ASTN2: variants seen among roughly 807,000 people sequenced by gnomAD.
The protein encoded by ASTN2 is astrotactin 2.
Under a neutral mutation model 139.8 loss-of-function variants are expected in ASTN2, and 54 were observed. That is an observed-to-expected ratio of 0.39 (90% confidence interval 0.31 to 0.48). The LOEUF (loss-of-function observed/expected upper bound fraction) is 0.48, where lower values mean the gene tolerates loss of function less well. Ranked by LOEUF, ASTN2 falls within the 20% of genes least tolerant of loss-of-function variation. The probability of loss-of-function intolerance (pLI) is 0.95; values close to 1 mark genes in which losing one functional copy is unlikely to be tolerated. For missense variants in ASTN2, 1,565 were observed against 1,725.1 expected (o/e 0.91, Z 1.64); for synonymous variants, 756 against 719.5 (o/e 1.05, Z -0.81).
At chr9:116,445,421 T>C (rs1268790593) in intron 20 of ASTN2, among the ~76,000 whole-genome samples, 1 of 152,224 alleles carries the variant, frequency 6.6e-6, no homozygotes, top group African/African-American at 2.4e-5. Context: ...TTGTAGTGAA[T>C]AGAATATATG....
intron 22 of ASTN2, 122 bp from the exon 23 acceptor site, chr9:116,426,210 T>A: frequency 7.9e-7 from 1 of 1,267,266 alleles, no homozygotes; most frequent in Non-Finnish European, 1.1e-6. Context: ...CTACTCCAGA[T>A]TGGAGTGTGG....
intron 7 of ASTN2, among the ~76,000 whole-genome samples, chr9:116,993,933 AATGTAAGTTAC>A (rs963379502): frequency 4.0e-5 from 6 of 149,746 alleles, no homozygotes; most frequent in Non-Finnish European, 8.9e-5. Flanking sequence ...GCCCCGCAAG[AATGTAAGTTAC>A]ATGGTGGCAG....
At chr9:117,020,576 C>T (rs1164166709) in intron 6 of ASTN2, among the ~76,000 whole-genome samples, 1 of 152,052 alleles carries the variant, frequency 6.6e-6, no homozygotes, top group African/African-American at 2.4e-5. Context: ...CCTGTCCTTC[C>T]TCTGTCCTGA....
intron 1 of ASTN2, among the ~76,000 whole-genome samples, chr9:117,309,981 C>T (rs969227499): frequency 6.6e-6 from 1 of 152,104 alleles, no homozygotes; most frequent in Admixed American, 6.5e-5. Flanking sequence ...TGTAGCTGGT[C>T]CTGTCTTTGA....
intron 19 of ASTN2, among the ~76,000 whole-genome samples, chr9:116,490,659 G>A (rs868672267): frequency 2.0e-5 from 3 of 152,172 alleles, no homozygotes; most frequent in South Asian, 2.1e-4. Flanking sequence ...CAGGGTGGCA[G>A]GAGAGAGAAT....
At chr9:116,499,175 C>T (rs1416398971) in intron 19 of ASTN2, among the ~76,000 whole-genome samples, 1 of 152,270 alleles carries the variant, frequency 6.6e-6, no homozygotes, top group African/African-American at 2.4e-5. Context: ...GTGTTTGTCA[C>T]TTTATTTACC....
intron 1 of ASTN2, among the ~76,000 whole-genome samples, chr9:117,406,901 A>AC (rs1831011699): frequency 6.9e-6 from 1 of 143,942 alleles, no homozygotes; most frequent in African/African-American, 2.6e-5. Flanking sequence ...CACACACACA[A>AC]CACAGAGGGA....
intron 1 of ASTN2, among the ~76,000 whole-genome samples, chr9:117,310,640 T>A (rs980130017): frequency 6.6e-6 from 1 of 152,180 alleles, no homozygotes; most frequent in Non-Finnish European, 1.5e-5. Flanking sequence ...ATTGTTTGTT[T>A]GTTTTTTGAG....
chr9:116,612,855 A>C, intron 19 of ASTN2: 1 of 151,852 alleles, frequency 6.6e-6, no homozygotes, highest in East Asian at 1.9e-4. Flanking sequence ...GAAGGCAAGA[A>C]ATAACTAAGA....
chr9:116,657,348 GTTA>G (rs1429898488), intron 16 of ASTN2, among the ~76,000 whole-genome samples: 1 of 152,180 alleles, frequency 6.6e-6, no homozygotes, highest in East Asian at 1.9e-4. Context: ...AATATTATTT[GTTA>G]TTGTTGTTGT....
intron 13 of ASTN2, among the ~76,000 whole-genome samples, chr9:116,793,888 A>G (rs907853484): frequency 6.6e-6 from 1 of 152,114 alleles, no homozygotes; most frequent in Non-Finnish European, 1.5e-5. Context: ...CCACCTTTAG[A>G]TAGGGTTTTC....
At chr9:117,153,091 ACTTG>A (rs914141906) in intron 3 of ASTN2, among the ~76,000 whole-genome samples, 5 of 152,160 alleles carry the variant, frequency 3.3e-5, no homozygotes, top group Admixed American at 3.3e-4. Flanking sequence ...TGGCTGTGTG[ACTTG>A]CTTTGGTGAA....
chr9:117,213,445 T>C (rs901443310), intron 3 of ASTN2, among the ~76,000 whole-genome samples: 3 of 152,200 alleles, frequency 2.0e-5, no homozygotes, highest in African/African-American at 7.2e-5. Context: ...TAGGAGCTTA[T>C]TGAACATTCC....
At chr9:116,468,883 C>T (rs1478857993) in intron 20 of ASTN2, among the ~76,000 whole-genome samples, 1 of 152,220 alleles carries the variant, frequency 6.6e-6, no homozygotes, top group Admixed American at 6.5e-5. Context: ...TGTTGCCTTG[C>T]TTCTCAGTAA....
intron 5 of ASTN2, among the ~76,000 whole-genome samples, chr9:117,064,121 C>T (rs73657631): frequency 0.016 from 2,437 of 151,830 alleles, 61 homozygotes; most frequent in African/African-American, 0.056. Context: ...GTTTCCAGGA[C>T]GCGCTCACAA....
At chr9:117,384,768 T>C (rs1429548458) in intron 1 of ASTN2, among the ~76,000 whole-genome samples, 1 of 152,220 alleles carries the variant, frequency 6.6e-6, no homozygotes, top group Non-Finnish European at 1.5e-5. Flanking sequence ...GAGTTGAGTA[T>C]ACATCATTCT....
intron 1 of ASTN2, among the ~76,000 whole-genome samples, chr9:117,413,980 G>A (rs928450677): frequency 6.6e-6 from 1 of 152,192 alleles, no homozygotes; most frequent in East Asian, 1.9e-4. Flanking sequence ...CGGAAGCCAC[G>A]CTTTTGCGGG....
At chr9:117,110,081 A>T (rs979731817) in intron 4 of ASTN2, among the ~76,000 whole-genome samples, 3 of 152,206 alleles carry the variant, frequency 2.0e-5, no homozygotes, top group Non-Finnish European at 2.9e-5. Context: ...ATGTATATAT[A>T]TGTTCATAAA....
At chr9:116,466,742 G>A (rs569715554) in intron 20 of ASTN2, among the ~76,000 whole-genome samples, 10 of 152,130 alleles carry the variant, frequency 6.6e-5, no homozygotes, top group Admixed American at 4.6e-4. Context: ...TATGTGTTAG[G>A]TAAATAAAGG....
Sources: allele counts gnomAD v4.1 joint callset (sites outside exome capture counted in the v4.1 genomes callset), GRCh38; gene constraint gnomAD v4.1.1; transcripts MANE v1.5; gene names NCBI Gene and HGNC (gene_info 2026-07-23, HGNC 2026-07-21).